The following TPRG1 variants were observed in gnomAD, a reference collection of about 807,000 sequenced individuals.
The protein encoded by TPRG1 is tumor protein p63 regulated 1.
TPRG1 carries 29 observed loss-of-function variants against 29.3 expected under a neutral mutation model. The ratio of observed to expected loss-of-function variants is 0.99; its 90% CI spans 0.74 to 1.35. TPRG1 has a LOEUF of 1.35. TPRG1 is among the 40% of genes most tolerant of loss of function. TPRG1 has a pLI of 0.00. For synonymous variants in TPRG1, 130 were observed against 116.8 expected (o/e 1.11, Z -0.73); for missense variants, 327 against 335.0 (o/e 0.98, Z 0.19).
chr3:189,098,723 G>A (rs1426422818), upstream of TPRG1, among the ~76,000 whole-genome samples: 1 of 152,180 alleles, frequency 6.6e-6, no homozygotes, highest in East Asian at 1.9e-4. Context: ...TTGCATAGAA[G>A]TAGAGCCCGC....
chr3:189,126,840 T>G (rs1382465241), intron 1 of TPRG1, among the ~76,000 whole-genome samples: 1 of 152,206 alleles, frequency 6.6e-6, no homozygotes, highest in African/African-American at 2.4e-5. Flanking sequence ...TACCAAACCC[T>G]GTAGGGAAAG....
At chr3:189,275,198 A>G (rs976145585) in intron 4 of TPRG1, among the ~76,000 whole-genome samples, 1 of 152,136 alleles carries the variant, frequency 6.6e-6, no homozygotes, top group Non-Finnish European at 1.5e-5. Context: ...CAGCATACAT[A>G]CAGTGTTATT....
intron 4 of TPRG1, among the ~76,000 whole-genome samples, chr3:189,291,608 G>T (rs960381775): frequency 6.6e-6 from 1 of 152,106 alleles, no homozygotes; most frequent in African/African-American, 2.4e-5. Flanking sequence ...ACTAATTTTT[G>T]ATTTAGGGGA....
chr3:189,162,646 G>T (rs1727636751), intron 5 of TPRG1, among the ~76,000 whole-genome samples: 1 of 152,128 alleles, frequency 6.6e-6, no homozygotes, highest in Non-Finnish European at 1.5e-5. Context: ...GAGAGAGAAA[G>T]ACAGCATTTC....
chr3:189,236,509 G>A (rs1430596438), intron 3 of TPRG1, among the ~76,000 whole-genome samples: 1 of 152,148 alleles, frequency 6.6e-6, no homozygotes, highest in Non-Finnish European at 1.5e-5. Flanking sequence ...TCTCAAAGTG[G>A]AGGAGGAGGA....
At chr3:189,280,502 A>T (rs1424079023) in intron 4 of TPRG1, among the ~76,000 whole-genome samples, 2 of 152,046 alleles carry the variant, frequency 1.3e-5, no homozygotes, top group Non-Finnish European at 2.9e-5. Flanking sequence ...CCTCTTTCCT[A>T]CTTTATCTTG....
intron 4 of TPRG1, among the ~76,000 whole-genome samples, chr3:189,278,257 C>T (rs115494422): frequency 0.018 from 2,729 of 152,272 alleles, 35 homozygotes; most frequent in Non-Finnish European, 0.031. Flanking sequence ...AACCTATTGC[C>T]TGGGTTATCA....
chr3:189,234,664 T>C (rs1739178866), intron 3 of TPRG1, among the ~76,000 whole-genome samples: 1 of 152,232 alleles, frequency 6.6e-6, no homozygotes, highest in Admixed American at 6.5e-5. Flanking sequence ...GGATAGCTTG[T>C]GTTTTTAGTA....
rs1463647352 is a variant in TPRG1, at chr3:189,323,381, G to A, written c.*2561G>A. ...CCTAAGGTTTAATTTCCTCTTCTGC[G>A]AAATGGAGACAATTATATTACTTTT... On this transcript the variant is annotated 3_prime_UTR_variant, in exon 6 of 6. Transcript: ENST00000345063. 1 of 152,022 alleles carries A rather than the reference G, an allele frequency of 6.6e-6. No individual in the cohort carries two copies. Among genetic ancestry groups the A allele is most frequent in the Non-Finnish European group, 1.5e-5 (1 of 67,990 alleles). The allele number at this position is 152,022 out of a possible 1,614,324, so 9.4% of individuals were successfully genotyped here.
chr3:188,999,301 T>C (rs1711926927), intron 1 of TPRG1, among the ~76,000 whole-genome samples: 1 of 152,172 alleles, frequency 6.6e-6, no homozygotes, highest in Non-Finnish European at 1.5e-5. Flanking sequence ...GAAGTCTCCT[T>C]GACTTCTGGT....
intron 3 of TPRG1, among the ~76,000 whole-genome samples, chr3:189,218,985 G>A (rs867747056): frequency 2.0e-5 from 3 of 152,278 alleles, no homozygotes; most frequent in Middle Eastern, 3.4e-3. Context: ...TACGTGATGG[G>A]GAGGCACTGA....
intron 1 of TPRG1, among the ~76,000 whole-genome samples, chr3:189,195,791 C>A (rs2108757608): frequency 6.6e-6 from 1 of 152,264 alleles, no homozygotes; most frequent in East Asian, 1.9e-4. Flanking sequence ...CCTCCTAGTT[C>A]CTAGGTGATC....
Position 189,130,655 on chromosome 3 carries a change from A to T in TPRG1, c.-589-1744A>T, listed in dbSNP as rs202186929. Among the ~76,000 whole-genome samples, 8 of 152,366 alleles carry T rather than the reference A, an allele frequency of 5.3e-5. No individual in the cohort carries two copies. In the East Asian group the frequency reaches 1.5e-3, roughly 29 times the overall value. On this transcript the variant is annotated intron_variant, in intron 2 of 6. Coordinates refer to the TPRG1 transcript ENST00000412373. ...CTTCTGTGAGTGTGAGGGCTCTACTATCAAGCAACCATTTATATATTCTGG... is the reference window on the plus strand; with the variant it reads ...CTTCTGTGAGTGTGAGGGCTCTACTTTCAAGCAACCATTTATATATTCTGG...
chr3:189,238,933 A>G, intron 4 of TPRG1, 24 bp downstream of exon 4: 1 of 1,569,740 alleles, frequency 6.4e-7, no homozygotes, highest in Non-Finnish European at 8.7e-7. Flanking sequence ...TTATACTTGA[A>G]GAAGTGGTGC....
At position 189,215,444 on chromosome 3, in the gene TPRG1, T is replaced by C; in HGVS notation, c.302+61T>C. The C allele has an allele frequency of 3.7e-6, 5 of 1,344,890 alleles. 1 individual carries two copies. The highest frequency in any genetic ancestry group is 1.5e-5 in the African/African-American group (1 of 68,940). 83.3% of individuals were successfully genotyped at this position (1,344,890 alleles called of 1,614,324 possible). On this transcript the variant is annotated intron_variant, in intron 3 of 5. Transcript: ENST00000345063. ...TACAGCGTTTTCCTTGACATCACTG[T>C]AGCAGAATAGGAGATGGACCTGTGG...
intron 4 of TPRG1, among the ~76,000 whole-genome samples, chr3:189,035,894 A>G (rs1017010267): frequency 5.3e-5 from 8 of 152,178 alleles, no homozygotes; most frequent in African/African-American, 1.9e-4. Context: ...CAGAACTACC[A>G]TTCTACCCAG....
chr3:189,075,970 A>G, intron 4 of TPRG1, among the ~76,000 whole-genome samples: 1 of 152,004 alleles, frequency 6.6e-6, no homozygotes, highest in Non-Finnish European at 1.5e-5. Flanking sequence ...CCCCTTCCCA[A>G]TATATACTTT....
At chr3:189,270,791 C>T (rs1714992893) in intron 4 of TPRG1, among the ~76,000 whole-genome samples, 1 of 152,116 alleles carries the variant, frequency 6.6e-6, no homozygotes, top group Non-Finnish European at 1.5e-5. Context: ...GATTAACAAA[C>T]ATCCTGAAGG....
chr3:189,112,233 T>C (rs1414415153), intron 1 of TPRG1, among the ~76,000 whole-genome samples: 1 of 152,202 alleles, frequency 6.6e-6, no homozygotes, highest in Non-Finnish European at 1.5e-5. Flanking sequence ...GCATCTATGT[T>C]TGTGAGAGAT....
Sources: allele counts gnomAD v4.1 joint callset (sites outside exome capture counted in the v4.1 genomes callset), GRCh38; gene constraint gnomAD v4.1.1; transcripts MANE v1.5; gene names NCBI Gene and HGNC (gene_info 2026-07-23, HGNC 2026-07-21).